Variants in ZNF516 observed in about 807,000 individuals in gnomAD.
ZNF516 encodes the protein zinc finger protein 516.
In ZNF516, 19 loss-of-function variants were observed where a neutral mutation model predicts 79.7. That is an observed-to-expected ratio of 0.24 (90% CI 0.17 to 0.35). ZNF516 has a LOEUF of 0.35. ZNF516 is among the 10% of genes least tolerant of loss of function. The probability of loss-of-function intolerance (pLI) is 1.00; values close to 1 mark genes in which losing one functional copy is unlikely to be tolerated. For synonymous variants in ZNF516, 877 were observed against 739.5 expected, an observed-to-expected ratio of 1.19 and a Z score of -3.02; for missense variants, 1,678 against 1,679.5, an observed-to-expected ratio of 1.00 and a Z score of 0.02.
intron 1 of ZNF516, among the ~76,000 whole-genome samples, chr18:76,480,532 T>TTC (rs1477577433): frequency 3.4e-5 from 5 of 148,140 alleles, no homozygotes; most frequent in African/African-American, 1.2e-4. Flanking sequence ...CACATATATT[T>TTC]TTTTTTTTGA....
chr18:76,448,491 T>C (rs1047765105), intron 2 of ZNF516, among the ~76,000 whole-genome samples: 10 of 152,114 alleles, frequency 6.6e-5, no homozygotes, highest in African/African-American at 2.4e-4. Context: ...GTACCCAGGG[T>C]TAACCCCACT....
rs142300732 is a variant in ZNF516, at chr18:76,483,622, G to A, written c.-272+11522C>T. 3.7e-4 allele frequency among the ~76,000 whole-genome samples: 57 copies of A among 152,276 alleles called. No homozygotes were observed. In the East Asian group the frequency reaches 6.6e-3, roughly 18 times the overall value. ...AGAAGGTGAGTCTCAGGGCCCAGCC[G>A]TCTATCAGAACTGACCTGGTCTTCT... is the stretch of plus-strand genomic sequence containing the variant. On this transcript the variant is annotated intron_variant, in intron 1 of 6. Transcript: ENST00000443185.
At chr18:76,389,684 CAG>C (rs763629798) in intron 3 of ZNF516, among the ~76,000 whole-genome samples, 18 of 152,252 alleles carry the variant, frequency 1.2e-4, no homozygotes, top group Non-Finnish European at 2.4e-4. Flanking sequence ...TTGATTTTTG[CAG>C]AGTTATTTTT....
upstream of ZNF516, chr18:76,495,714 G>T: frequency 8.4e-7 from 1 of 1,189,584 alleles, no homozygotes; most frequent in African/African-American, 1.7e-5. Context: ...TCGGGATGCG[G>T]GTCCCGCCGG....
At chr18:76,376,839 C>T (rs903986326) in intron 4 of ZNF516, among the ~76,000 whole-genome samples, 4 of 152,142 alleles carry the variant, frequency 2.6e-5, no homozygotes, top group African/African-American at 9.7e-5. Context: ...AAGTGGGCGT[C>T]AAACTCCCCT....
intron 1 of ZNF516, chr18:76,492,234 G>A: frequency 1.0e-6 from 1 of 985,450 alleles, no homozygotes; most frequent in Non-Finnish European, 1.2e-6. Context: ...TTTACACGGA[G>A]ATGCTGCTCG....
At position 76,442,753 on chromosome 18, in the gene ZNF516, G is replaced by A; in HGVS notation, c.302C>T (p.Pro101Leu). 6.3e-7 allele frequency: 1 copy of A among 1,586,598 alleles called. No individual in the cohort carries two copies. The highest frequency in any genetic ancestry group is 8.6e-7 in the Non-Finnish European group (1 of 1,166,474). The change falls in exon 3 of 7, where the codon CCG becomes CTG. Residue 101 changes from proline (P) to leucine (L), a missense_variant. Around this residue, in one of 5 missense-constraint regions of ZNF516, gnomAD observed 279 missense variants for 254.1 expected, o/e 1.10. Coordinates refer to ENST00000443185, the MANE Select transcript of ZNF516 (RefSeq NM_014643.4). ...QGHEPEAGEA[P>L]LGEMRASEGL... ...CTCGGAGGCGCGCATCTCACCCAGC[G>A]GCGCCTCGCCCGCCTCCGGCTCGTG...
rs1282869874 is a variant in ZNF516, at chr18:76,360,583, C to T, written c.*1915G>A. ...GACATTCCTAATTACACCAACAGGA[C>T]AGATCATTTTCGTACATATCTGGTG... is the stretch of plus-strand genomic sequence containing the variant. On this transcript the variant is annotated 3_prime_UTR_variant, in exon 7 of 7. Transcript: ENST00000443185. 7.5e-6 allele frequency: 1 copy of T among 134,038 alleles called. No homozygotes were observed. Among genetic ancestry groups the T allele is most frequent in the Non-Finnish European group, 1.5e-5 (1 of 64,992 alleles). The allele number at this position is 134,038 out of a possible 1,614,324, so 8.3% of individuals were successfully genotyped here. A position where few individuals can be genotyped will look rare whatever the true frequency, so the allele number is the denominator to read the frequency against.
At chr18:76,384,940 G>A (rs1305874240) in intron 3 of ZNF516, among the ~76,000 whole-genome samples, 1 of 152,218 alleles carries the variant, frequency 6.6e-6, no homozygotes, top group Non-Finnish European at 1.5e-5. Context: ...CAGTGCCGAG[G>A]GCACACACCA....
At position 76,480,488 on chromosome 18, in the gene ZNF516, T is replaced by TACATACACACAC. The variant is rs781398670; in HGVS notation, c.-272+14655_-272+14656insGTGTGTGTATGT. Among the ~76,000 whole-genome samples the TACATACACACAC allele has an allele frequency of 5.7e-4, 79 of 138,920 alleles. 1 individual carries two copies. Among genetic ancestry groups the TACATACACACAC allele is most frequent in the Middle Eastern group, 7.2e-3 (2 of 278 alleles). 91.1% of individuals were successfully genotyped at this position (138,920 alleles called of 152,430 possible). On this transcript the variant is annotated intron_variant, in intron 1 of 6. Coordinates refer to ENST00000443185, the MANE Select transcript of ZNF516 (RefSeq NM_014643.4). ...TTACATATATATACACACACACATA[T>TACATACACACAC]ACACATACACACACACACACACACA...
intron 1 of ZNF516, among the ~76,000 whole-genome samples, chr18:76,474,363 A>G (rs2145745566): frequency 6.6e-6 from 1 of 152,290 alleles, no homozygotes; most frequent in Non-Finnish European, 1.5e-5. Context: ...TAAATTCAAA[A>G]CAGTACAGGT....
chr18:76,496,218 C>T (rs1479941856), upstream of ZNF516: 25 of 1,228,754 alleles, frequency 2.0e-5, no homozygotes, highest in Non-Finnish European at 2.5e-5. Context: ...CCTTCACGGC[C>T]GGTGACGTAG....
intron 3 of ZNF516, among the ~76,000 whole-genome samples, chr18:76,416,493 A>G (rs571484569): frequency 2.6e-5 from 4 of 152,350 alleles, no homozygotes; most frequent in Non-Finnish European, 5.9e-5. Context: ...TGGGGATTTT[A>G]GTCAAATATT....
intron 3 of ZNF516, among the ~76,000 whole-genome samples, chr18:76,420,142 A>G (rs754654587): frequency 5.3e-5 from 8 of 152,238 alleles, no homozygotes; most frequent in Non-Finnish European, 1.0e-4. Flanking sequence ...GTAGTCAATT[A>G]TCACTGCTCT....
intron 6 of ZNF516, among the ~76,000 whole-genome samples, chr18:76,365,213 A>G (rs945078275): frequency 6.6e-6 from 1 of 152,240 alleles, no homozygotes; most frequent in Admixed American, 6.5e-5. Flanking sequence ...CCATTTTAAA[A>G]TAACATTTAG....
intron 6 of ZNF516, among the ~76,000 whole-genome samples, chr18:76,365,280 C>G (rs1042107800): frequency 6.6e-6 from 1 of 152,138 alleles, no homozygotes; most frequent in Non-Finnish European, 1.5e-5. Flanking sequence ...GGAATCCAAA[C>G]AAATCAAAAC....
chr18:76,436,880 C>T (rs985895429), intron 3 of ZNF516, among the ~76,000 whole-genome samples: 2 of 152,034 alleles, frequency 1.3e-5, no homozygotes, highest in African/African-American at 4.8e-5. Flanking sequence ...TCACCCTGGA[C>T]AACATGGCAA....
At chr18:76,431,360 G>A (rs544974277) in intron 3 of ZNF516, among the ~76,000 whole-genome samples, 2 of 152,280 alleles carry the variant, frequency 1.3e-5, no homozygotes, top group South Asian at 2.1e-4. Flanking sequence ...TGATGAAAAT[G>A]CAGACTAAGA....
upstream of ZNF516, chr18:76,495,586 A>C: frequency 3.0e-6 from 1 of 329,210 alleles, no homozygotes; most frequent in Non-Finnish European, 5.5e-6. Flanking sequence ...CCCTAATAGC[A>C]CTGAATCACG....
Sources: allele counts gnomAD v4.1 joint callset (sites outside exome capture counted in the v4.1 genomes callset), GRCh38; gene constraint gnomAD v4.1.1; regional missense constraint gnomAD v4.1.1; transcripts MANE v1.5; gene names NCBI Gene and HGNC (gene_info 2026-07-23, HGNC 2026-07-21).